The following SLIT3 variants were observed in gnomAD, a reference collection of about 807,000 sequenced individuals.
SLIT3 encodes slit homolog 3 protein.
Under a neutral mutation model 184.0 loss-of-function variants are expected in SLIT3, and 68 were observed. The observed-to-expected ratio is 0.37, with a 90% confidence interval of 0.30 to 0.45. The LOEUF (loss-of-function observed/expected upper bound fraction) is 0.45, where lower values mean the gene tolerates loss of function less well. SLIT3 is among the 20% of genes least tolerant of loss of function. The probability of loss-of-function intolerance (pLI) is 1.00; values close to 1 mark genes in which losing one functional copy is unlikely to be tolerated. For synonymous variants in SLIT3, 831 were observed against 828.6 expected, an observed-to-expected ratio of 1.00 and a Z score of -0.05; for missense variants, 1,707 against 2,026.0, an observed-to-expected ratio of 0.84 and a Z score of 3.02.
chr5:169,140,021 G>T (rs755173624), intron 4 of SLIT3, among the ~76,000 whole-genome samples: 4 of 152,130 alleles, frequency 2.6e-5, no homozygotes, highest in Non-Finnish European at 5.9e-5. Context: ...ATCACAGCCA[G>T]AAATGGGTCC....
At chr5:169,182,707 A>G (rs297874) in intron 4 of SLIT3, among the ~76,000 whole-genome samples, 48,847 of 152,072 alleles carry the variant, frequency 0.32, 8,579 homozygotes, top group East Asian at 0.49. Context: ...CAACTGAAGA[A>G]TGTGTGTTTG....
At chr5:168,705,721 A>G (rs1453386244) in intron 26 of SLIT3, among the ~76,000 whole-genome samples, 1 of 152,204 alleles carries the variant, frequency 6.6e-6, no homozygotes, top group Non-Finnish European at 1.5e-5. Context: ...CTCTGAAGAT[A>G]CTCTCTTTGC....
intron 4 of SLIT3, among the ~76,000 whole-genome samples, chr5:168,981,930 C>T (rs991365412): frequency 2.6e-5 from 4 of 151,860 alleles, no homozygotes; most frequent in Non-Finnish European, 5.9e-5. Context: ...ATTACAGGTC[C>T]CTGAAGACAT....
chr5:169,281,424 C>T (rs535313827), intron 1 of SLIT3, among the ~76,000 whole-genome samples: 34 of 152,228 alleles, frequency 2.2e-4, no homozygotes, highest in South Asian at 6.2e-4. Context: ...TGCAGTAGGC[C>T]GAGATGGCGC....
At chr5:169,069,042 C>A (rs1192745688) in intron 4 of SLIT3, among the ~76,000 whole-genome samples, 1 of 152,152 alleles carries the variant, frequency 6.6e-6, no homozygotes, top group African/African-American at 2.4e-5. Context: ...TAGGAAATAA[C>A]AAAGCAATGG....
intron 6 of SLIT3, among the ~76,000 whole-genome samples, chr5:168,840,755 A>G (rs1326870934): frequency 6.6e-6 from 1 of 152,230 alleles, no homozygotes; most frequent in Non-Finnish European, 1.5e-5. Context: ...TCGGTCCCTC[A>G]ATTAAGAACC....
chr5:168,787,108 A>T (rs1756182388), intron 11 of SLIT3, among the ~76,000 whole-genome samples: 1 of 152,202 alleles, frequency 6.6e-6, no homozygotes, highest in African/African-American at 2.4e-5. Flanking sequence ...CCATCAGCCT[A>T]CGGGTGTGTT....
chr5:168,680,750 C>T (rs1417819154), intron 32 of SLIT3, among the ~76,000 whole-genome samples: 2 of 152,172 alleles, frequency 1.3e-5, no homozygotes, highest in Non-Finnish European at 2.9e-5. Flanking sequence ...GATGGGGCCT[C>T]CTCCTCCCCA....
At chr5:168,807,246 A>G (rs1757000786) in intron 8 of SLIT3, among the ~76,000 whole-genome samples, 1 of 152,240 alleles carries the variant, frequency 6.6e-6, no homozygotes, top group African/African-American at 2.4e-5. Context: ...GCAAAGTGAC[A>G]GAAAGCCAAG....
At chr5:168,687,700 G>T (rs1469786340) in intron 29 of SLIT3, among the ~76,000 whole-genome samples, 5 of 152,246 alleles carry the variant, frequency 3.3e-5, no homozygotes, top group Admixed American at 3.3e-4. Flanking sequence ...CACCTCTTAT[G>T]GTTGCTTTAA....
At chr5:168,973,551 T>C (rs1754653555) in intron 4 of SLIT3, among the ~76,000 whole-genome samples, 1 of 152,250 alleles carries the variant, frequency 6.6e-6, no homozygotes, top group Non-Finnish European at 1.5e-5. Context: ...TGGCCTTCAC[T>C]GAAAAATTTT....
chr5:169,003,140 C>G (rs1755778658), intron 4 of SLIT3, among the ~76,000 whole-genome samples: 1 of 152,192 alleles, frequency 6.6e-6, no homozygotes, highest in South Asian at 2.1e-4. Context: ...CAGTATGTAT[C>G]TACATATGTA....
rs992120457 is a variant in SLIT3 at position 168,722,801 on chromosome 5, C to T, written c.2411+132G>A. On this transcript the variant is annotated intron_variant, in intron 22 of 35. Coordinates refer to ENST00000519560, the MANE Select transcript of SLIT3 (RefSeq NM_003062.4). Reference sequence around the variant, plus strand: ...CTTCCTTCTGATGATTAAGGTGTATCTTATGCTAGGGCAGCCATAGGCCTG... The same window carrying T: ...CTTCCTTCTGATGATTAAGGTGTATTTTATGCTAGGGCAGCCATAGGCCTG... 6 of 730,338 alleles carry T rather than the reference C, an allele frequency of 8.2e-6. No homozygotes were observed. The East Asian group carries it at 1.5e-4, about 18-fold the overall frequency. The allele number at this position is 730,338 out of a possible 1,614,324, so 45.2% of individuals were successfully genotyped here. A position where few individuals can be genotyped will look rare whatever the true frequency, so the allele number is the denominator to read the frequency against.
chr5:169,003,571 C>G (rs1212691101), intron 4 of SLIT3, among the ~76,000 whole-genome samples: 1 of 152,216 alleles, frequency 6.6e-6, no homozygotes. Context: ...AACACAGGCT[C>G]AGGGCAGAAG....
At chr5:168,840,182 C>T (rs1758194814) in intron 6 of SLIT3, among the ~76,000 whole-genome samples, 1 of 152,174 alleles carries the variant, frequency 6.6e-6, no homozygotes, top group South Asian at 2.1e-4. Context: ...TTACCTGGCA[C>T]CAGTGATTTC....
intron 14 of SLIT3, among the ~76,000 whole-genome samples, chr5:168,770,266 C>A (rs916239154): frequency 5.9e-5 from 9 of 152,220 alleles, no homozygotes; most frequent in African/African-American, 2.2e-4. Flanking sequence ...GCTGGGAAAC[C>A]AGACGCCCTG....
chr5:169,215,795 C>A (rs1029214336), intron 3 of SLIT3, among the ~76,000 whole-genome samples: 1 of 152,140 alleles, frequency 6.6e-6, no homozygotes, highest in African/African-American at 2.4e-5. Flanking sequence ...CAAGTGCTAA[C>A]CTTGTTTGAA....
chr5:168,885,923 G>A (rs1357505812), intron 4 of SLIT3, among the ~76,000 whole-genome samples: 1 of 152,178 alleles, frequency 6.6e-6, no homozygotes, highest in Non-Finnish European at 1.5e-5. Context: ...ATCTGGCCAT[G>A]TTGCTGGGAG....
At chr5:168,678,404 T>A (rs114593019) in intron 32 of SLIT3, among the ~76,000 whole-genome samples, 1,930 of 152,268 alleles carry the variant, frequency 0.013, 43 homozygotes, top group African/African-American at 0.044. Flanking sequence ...TGGGATTACA[T>A]CCTTGAATTC....
Sources: allele counts gnomAD v4.1 joint callset (sites outside exome capture counted in the v4.1 genomes callset), GRCh38; gene constraint gnomAD v4.1.1; transcripts MANE v1.5; gene names NCBI Gene and HGNC (gene_info 2026-07-23, HGNC 2026-07-21).